The following CTTNBP2NL variants were observed in gnomAD, a reference collection of about 807,000 sequenced individuals.
CTTNBP2NL encodes CTTNBP2 N-terminal like.
CTTNBP2NL carries 16 observed loss-of-function variants against 32.5 expected under a neutral mutation model. The observed-to-expected ratio is 0.49, with a 90% confidence interval of 0.33 to 0.75. The LOEUF is 0.75. CTTNBP2NL is among the 30% of genes least tolerant of loss of function. The probability of loss-of-function intolerance (pLI) is 0.02; values close to 1 mark genes in which losing one functional copy is unlikely to be tolerated. For missense variants in CTTNBP2NL, 645 were observed against 756.0 expected, an observed-to-expected ratio of 0.85 and a Z score of 1.72; for synonymous variants, 298 against 289.4, an observed-to-expected ratio of 1.03 and a Z score of -0.30.
At chr1:112,396,083 G>A (rs948066459), upstream of CTTNBP2NL, 1 of 152,276 alleles carries the variant, frequency 6.6e-6, no homozygotes, top group Non-Finnish European at 1.5e-5. Context: ...GCCCCGGGAG[G>A]AGCCTGAATG....
rs541862056 is a variant in CTTNBP2NL, at chr1:112,421,854, TTA to T, written c.99+5593_99+5594del. On this transcript the variant is annotated intron_variant, in intron 3 of 5. Transcript: ENST00000271277. The stretch of plus-strand genomic sequence containing the variant: ...GAACAGATGTTTTAATTCCTTCTCT[TTA>T]TAATGAAAACAGGAAATACAGGGAT... Among the ~76,000 whole-genome samples, 50 of 152,280 alleles carry T rather than the reference TTA, an allele frequency of 3.3e-4. No individual in the cohort carries two copies. The South Asian group carries it at 0.01, about 31-fold the overall frequency.
intron 3 of CTTNBP2NL, among the ~76,000 whole-genome samples, chr1:112,430,547 T>A (rs576044640): frequency 0.35 from 507 of 1,464 alleles, 3 homozygotes; most frequent in African/African-American, 0.47. Context: ...CATAGCTAGC[T>A]TTTTTTTTTT....
At chr1:112,408,958 T>G (rs1473084635) in intron 1 of CTTNBP2NL, among the ~76,000 whole-genome samples, 1 of 151,872 alleles carries the variant, frequency 6.6e-6, no homozygotes, top group East Asian at 1.9e-4. Context: ...GAGACCCCCG[T>G]CTCTACTAAA....
intron 4 of CTTNBP2NL, among the ~76,000 whole-genome samples, chr1:112,453,127 A>AGGGGGT (rs1650271346): frequency 7.1e-6 from 1 of 140,204 alleles, no homozygotes; most frequent in African/African-American, 2.6e-5. Flanking sequence ...AAAGGAAGGA[A>AGGGGGT]GGGGGTGGGG....
intron 1 of CTTNBP2NL, among the ~76,000 whole-genome samples, chr1:112,397,475 G>T (rs1383741355): frequency 6.6e-6 from 1 of 152,074 alleles, no homozygotes; most frequent in Non-Finnish European, 1.5e-5. Context: ...TTGGTTTTAC[G>T]ATCATCTATC....
Position 112,456,603 on chromosome 1 carries a change from C to G in CTTNBP2NL, c.1111C>G (p.Gln371Glu). 6.2e-7 allele frequency: 1 copy of G among 1,614,116 alleles called. No homozygotes were observed. The highest frequency in any genetic ancestry group is 8.5e-7 in the Non-Finnish European group (1 of 1,180,000). ...GACTGCAGGCAACAATGTAGAAAAC[C>G]AGGTGCCTCCACGGGAAAAATCTGT... ...ELTAGNNVEN[Q>E]VPPREKSVAL... Residue 371 changes from glutamine to glutamate, a missense_variant, in exon 6 of 6, where the codon CAG becomes GAG. Coordinates refer to ENST00000271277, the MANE Select transcript of CTTNBP2NL (RefSeq NM_018704.3).
rs869134559 is a variant in CTTNBP2NL, at chr1:112,407,840, CTTTT to C, written c.-133-4335_-133-4332del. 7.3e-5 allele frequency among the ~76,000 whole-genome samples: 7 copies of C among 96,050 alleles called. No individual in the cohort carries two copies. The South Asian group carries it at 2.5e-3, about 34-fold the overall frequency. The allele number at this position is 96,050 out of a possible 152,430, so 63.0% of individuals were successfully genotyped here. ...ACAAAAACGGCTTTCTTTTTTCTTT[CTTTT>C]TTTTTTTTTTTTTTTTTTGAGGCAG... On this transcript the variant is annotated intron_variant, in intron 1 of 5. Coordinates refer to ENST00000271277, the MANE Select transcript of CTTNBP2NL (RefSeq NM_018704.3).
intron 5 of CTTNBP2NL, among the ~76,000 whole-genome samples, chr1:112,454,884 C>T (rs770724312): frequency 8.5e-5 from 13 of 152,126 alleles, no homozygotes; most frequent in Admixed American, 3.9e-4. Flanking sequence ...GGTAACTTAG[C>T]GCTTGTAGCT....
intron 3 of CTTNBP2NL, among the ~76,000 whole-genome samples, chr1:112,444,626 G>A (rs1272665257): frequency 6.6e-6 from 1 of 152,046 alleles, no homozygotes; most frequent in Non-Finnish European, 1.5e-5. Flanking sequence ...CAGTTAATGT[G>A]TGTGTTGTTA....
At chr1:112,445,851 A>G (rs1312129904) in intron 3 of CTTNBP2NL, among the ~76,000 whole-genome samples, 2 of 152,318 alleles carry the variant, frequency 1.3e-5, no homozygotes, top group East Asian at 1.9e-4. Context: ...TTAGTTAACT[A>G]TATACTACTC....
In CTTNBP2NL at chr1:112,416,267, A is replaced by G. The variant is rs754119371; in HGVS notation, c.99+3A>G. 7 of 1,425,904 alleles carry G rather than the reference A, an allele frequency of 4.9e-6. No homozygotes were observed. The East Asian group carries it at 9.1e-5, about 19-fold the overall frequency. 88.3% of individuals were successfully genotyped at this position (1,425,904 alleles called of 1,614,324 possible). The stretch of plus-strand genomic sequence containing the variant: ...ACCTTGTTATAGAAGCCTTAAAGGT[A>G]TGTTAAAAGAAAAAAAAAAAGAGGT... On this transcript the variant is annotated splice_donor_region_variant and intron_variant, in intron 3 of 5. Coordinates refer to ENST00000271277, the MANE Select transcript of CTTNBP2NL (RefSeq NM_018704.3).
chr1:112,460,195 T>C lies in CTTNBP2NL; in HGVS notation c.*2783T>C, dbSNP rs752791841. 6.6e-6 allele frequency: 1 copy of C among 152,248 alleles called. No individual in the cohort carries two copies. Among genetic ancestry groups the C allele is most frequent in the Non-Finnish European group, 1.5e-5 (1 of 68,052 alleles). The allele number at this position is 152,248 out of a possible 1,614,324, so 9.4% of individuals were successfully genotyped here. Reference sequence around the variant, plus strand: ...AAATATACCATGCAGAAGTCTTCATTTTTATAGCAGACTGCATTAAAACAA... The same window carrying C: ...AAATATACCATGCAGAAGTCTTCATCTTTATAGCAGACTGCATTAAAACAA... On this transcript the variant is annotated 3_prime_UTR_variant, in exon 6 of 6. Coordinates refer to ENST00000271277, the MANE Select transcript of CTTNBP2NL (RefSeq NM_018704.3).
intron 3 of CTTNBP2NL, among the ~76,000 whole-genome samples, chr1:112,419,569 A>G (rs1467299061): frequency 6.6e-6 from 1 of 152,094 alleles, no homozygotes; most frequent in African/African-American, 2.4e-5. Context: ...AAAAAAAATA[A>G]CAATGCAAGT....
chr1:112,449,240 G>A lies in CTTNBP2NL; in HGVS notation c.330+68G>A. The A allele has an allele frequency of 1.0e-5, 9 of 892,652 alleles. No individual in the cohort carries two copies. In the South Asian group the frequency reaches 1.5e-4, roughly 15 times the overall value. The allele number at this position is 892,652 out of a possible 1,614,324, so 55.3% of individuals were successfully genotyped here. Reference sequence around the variant, plus strand: ...TATAAATTATGCCTGATACTTTCTTGTCAGCTGCCAGTTTTTCACAGTAAT... The same window carrying A: ...TATAAATTATGCCTGATACTTTCTTATCAGCTGCCAGTTTTTCACAGTAAT... On this transcript the variant is annotated intron_variant, in intron 4 of 5. Coordinates refer to ENST00000271277, the MANE Select transcript of CTTNBP2NL (RefSeq NM_018704.3).
chr1:112,414,739 T>G (rs1400015204), intron 2 of CTTNBP2NL: 1 of 152,264 alleles, frequency 6.6e-6, no homozygotes, highest in East Asian at 1.9e-4. Flanking sequence ...GTCTAACTTG[T>G]ATCTTTATGT....
intron 3 of CTTNBP2NL, 108 bp from the exon 4 acceptor site, chr1:112,448,834 A>G (rs1301398378): frequency 4.6e-6 from 3 of 648,084 alleles, no homozygotes; most frequent in East Asian, 2.7e-5. Flanking sequence ...TTAGTAGGTT[A>G]CATTTATACT....
At chr1:112,431,874 A>G (rs1267273098) in intron 3 of CTTNBP2NL, among the ~76,000 whole-genome samples, 1 of 152,046 alleles carries the variant, frequency 6.6e-6, no homozygotes, top group Non-Finnish European at 1.5e-5. Context: ...CTGGGCACAC[A>G]GGATCACTTG....
intron 1 of CTTNBP2NL, among the ~76,000 whole-genome samples, chr1:112,409,585 A>G (rs556311716): frequency 4.6e-5 from 7 of 152,304 alleles, no homozygotes; most frequent in African/African-American, 1.7e-4. Context: ...TAGACAGACA[A>G]ACATCTTGCT....
chr1:112,392,940 C>T (rs1002407026), upstream of CTTNBP2NL, among the ~76,000 whole-genome samples: 1 of 152,064 alleles, frequency 6.6e-6, no homozygotes, highest in African/African-American at 2.4e-5. Context: ...TCACTGCAAC[C>T]TCCATCTCCT....
Sources: allele counts gnomAD v4.1 joint callset (sites outside exome capture counted in the v4.1 genomes callset), GRCh38; gene constraint gnomAD v4.1.1; transcripts MANE v1.5; gene names NCBI Gene and HGNC (gene_info 2026-07-23, HGNC 2026-07-21).